Variants in ANKRD40 observed in about 807,000 individuals in gnomAD.
ANKRD40 encodes the protein ankyrin repeat domain 40.
In ANKRD40, 24 loss-of-function variants were observed where a neutral mutation model predicts 35.5. That is an observed-to-expected ratio of 0.68 (90% CI 0.49 to 0.95). The LOEUF (loss-of-function observed/expected upper bound fraction) is 0.95. Ranked by LOEUF, ANKRD40 falls within the 40% of genes least tolerant of loss-of-function variation. ANKRD40 has a pLI of 0.00. For synonymous variants in ANKRD40, 147 were observed against 173.5 expected, an observed-to-expected ratio of 0.85 and a Z score of 1.20; for missense variants, 361 against 436.0, an observed-to-expected ratio of 0.83 and a Z score of 1.53.
Position 50,699,521 on chromosome 17 carries a change from AG to A in ANKRD40, c.655del (p.Leu219CysfsTer47). 6.2e-7 allele frequency: 1 copy of A among 1,614,238 alleles called. No individual in the cohort carries two copies. The highest frequency in any genetic ancestry group is 8.5e-7 in the Non-Finnish European group (1 of 1,180,036). ...CQPPVSQSRS[L>X]FSSVPSKPPM... ...TGGCTTGGACGGGACAGAAGAAAAC[AG>A]GGAGCGGCTCTGACTCACTGGTGGC... On this transcript the variant is annotated frameshift_variant, in exon 3 of 5. Transcript: ENST00000285243. LOFTEE classifies it high-confidence loss of function.
chr17:50,701,535 T>G (rs1375903543), intron 1 of ANKRD40, among the ~76,000 whole-genome samples: 1 of 152,220 alleles, frequency 6.6e-6, no homozygotes, highest in Non-Finnish European at 1.5e-5. Context: ...ATTTTAATAC[T>G]GTACAGAAAC....
rs1164143797 is a variant in ANKRD40, at chr17:50,693,571, G to C, written c.*2426C>G. 6.6e-6 allele frequency: 1 copy of C among 152,236 alleles called. No homozygotes were observed. Among genetic ancestry groups the C allele is most frequent in the Admixed American group, 6.5e-5 (1 of 15,288 alleles). The allele number at this position is 152,236 out of a possible 1,614,324, so 9.4% of individuals were successfully genotyped here. ...CTCTCACCAGAGACACCAGTCCCTT[G>C]CTTGCCTCTGTCGCTAAGCCCAGAA... On this transcript the variant is annotated 3_prime_UTR_variant, in exon 5 of 5. Coordinates refer to ENST00000285243, the MANE Select transcript of ANKRD40 (RefSeq NM_052855.4).
chr17:50,697,233 T>G, intron 3 of ANKRD40, 112 bp from the exon 4 acceptor site: 1 of 1,047,236 alleles, frequency 9.5e-7, no homozygotes, highest in Non-Finnish European at 1.3e-6. Flanking sequence ...GGTCTGTGCA[T>G]GATTAACAGA....
Position 50,697,021 on chromosome 17 carries a change from G to T in ANKRD40, c.879C>A (p.Leu293=). Residue 293 remains leucine (L), a synonymous_variant, in exon 4 of 5, where the codon CTC becomes CTA. Transcript: ENST00000285243. ...CACCCAGCTCACAGCAACACACTCT[G>T]AGCAACTCTTGGTAGGTGAGCTCCT... ...DRQELTYQEL[L]RVCCCELGVN... 6.2e-7 allele frequency: 1 copy of T among 1,614,074 alleles called. No homozygotes were observed. Among genetic ancestry groups the T allele is most frequent in the South Asian group, 1.1e-5 (1 of 91,060 alleles).
At chr17:50,706,734 CA>C (rs756189222) in intron 1 of ANKRD40, among the ~76,000 whole-genome samples, 2,442 of 93,624 alleles carry the variant, frequency 0.026, 31 homozygotes, top group Non-Finnish European at 0.035. Context: ...CCAAAAATAC[CA>C]AAAAAAAAAA....
chr17:50,702,710 C>T (rs1359200521), intron 1 of ANKRD40, among the ~76,000 whole-genome samples: 2 of 152,156 alleles, frequency 1.3e-5, no homozygotes, highest in South Asian at 2.1e-4. Context: ...CTGAGAGACT[C>T]TGGGACAAAC....
chr17:50,704,741 C>G (rs955094816), intron 1 of ANKRD40, among the ~76,000 whole-genome samples: 1 of 152,120 alleles, frequency 6.6e-6, no homozygotes, highest in African/African-American at 2.4e-5. Flanking sequence ...GCCTCAGTTT[C>G]TTCATCTGTA....
chr17:50,705,462 T>G (rs1567844803), intron 1 of ANKRD40, among the ~76,000 whole-genome samples: 1 of 151,950 alleles, frequency 6.6e-6, no homozygotes, highest in Non-Finnish European at 1.5e-5. Flanking sequence ...TATCCACTGT[T>G]TCCTGGCCTT....
intron 1 of ANKRD40, chr17:50,701,019 C>CT (rs1239496102): frequency 2.5e-5 from 6 of 243,778 alleles, no homozygotes; most frequent in Non-Finnish European, 4.0e-5. Flanking sequence ...GGAATATACT[C>CT]TATCAGTATC....
At chr17:50,696,615 C>G (rs1164346232) in intron 4 of ANKRD40, 1 of 245,526 alleles carries the variant, frequency 4.1e-6, no homozygotes, top group Admixed American at 5.1e-5. Context: ...AAACTTCTCT[C>G]TGGTATCAAC....
At chr17:50,706,113 A>C (rs1188676318) in intron 1 of ANKRD40, among the ~76,000 whole-genome samples, 3 of 150,136 alleles carry the variant, frequency 2.0e-5, no homozygotes, top group Admixed American at 2.0e-4. Context: ...AAAAAAACAA[A>C]ATGTAAACTC....
chr17:50,704,515 CAAAAAAAA>C (rs892783050), intron 1 of ANKRD40, among the ~76,000 whole-genome samples: 27 of 40,204 alleles, frequency 6.7e-4, no homozygotes, highest in African/African-American at 2.4e-3. Context: ...AACTCCATCT[CAAAAAAAA>C]AAAAAAAAAA....
chr17:50,706,420 T>C (rs1968339826), intron 1 of ANKRD40, among the ~76,000 whole-genome samples: 1 of 152,138 alleles, frequency 6.6e-6, no homozygotes, highest in South Asian at 2.1e-4. Context: ...CAAAATAGTC[T>C]GGCTAAGCAT....
chr17:50,700,495 G>A (rs1968258756), intron 2 of ANKRD40, 73 bp downstream of exon 2: 4 of 1,271,886 alleles, frequency 3.1e-6, no homozygotes, highest in South Asian at 2.7e-5. Context: ...CCAGCATTAA[G>A]AACGTAGCCA....
chr17:50,696,887 C>T (rs1431388405), intron 4 of ANKRD40, 53 bp downstream of exon 4: 6 of 1,492,542 alleles, frequency 4.0e-6, no homozygotes, highest in East Asian at 2.3e-5. Context: ...AAGGAGGGGG[C>T]TAGGTATTTT....
intron 4 of ANKRD40, 154 bp downstream of exon 4, chr17:50,696,786 A>T (rs1968205428): frequency 2.8e-6 from 2 of 710,548 alleles, no homozygotes; most frequent in African/African-American, 3.7e-5. Flanking sequence ...GTGTCCCTAT[A>T]GACTCAGTAG....
In ANKRD40 at chr17:50,693,376, A is replaced by G. The variant is rs1238430278; in HGVS notation, c.*2621T>C. On this transcript the variant is annotated 3_prime_UTR_variant, in exon 5 of 5. Coordinates refer to ENST00000285243, the MANE Select transcript of ANKRD40 (RefSeq NM_052855.4). ...AAAAAAAAAATCCTTGTTATAAATT[A>G]CACAAAGCATATAAAAATATTTCTC... 6.6e-6 allele frequency: 1 copy of G among 152,262 alleles called. No individual in the cohort carries two copies. The highest frequency in any genetic ancestry group is 6.5e-5 in the Admixed American group (1 of 15,290). The allele number at this position is 152,262 out of a possible 1,614,324, so 9.4% of individuals were successfully genotyped here.
chr17:50,700,474 C>T (rs1968258691), intron 2 of ANKRD40, 94 bp downstream of exon 2: 2 of 1,207,424 alleles, frequency 1.7e-6, no homozygotes, highest in Admixed American at 2.3e-5. Flanking sequence ...AGAAATAGAG[C>T]AGTTGTTTGA....
rs1968357789 is a variant in ANKRD40, at chr17:50,707,656, T to G, written c.-2A>C. The G allele has an allele frequency of 3.2e-6, 5 of 1,546,740 alleles. No individual in the cohort carries two copies. Among genetic ancestry groups the G allele is most frequent in the African/African-American group, 1.4e-5 (1 of 70,498 alleles). On this transcript the variant is annotated 5_prime_UTR_variant, in exon 1 of 5. Coordinates refer to ENST00000285243, the MANE Select transcript of ANKRD40 (RefSeq NM_052855.4). The surrounding 1 kb of genome is among the most constrained non-coding windows in gnomAD (Gnocchi z 4.8). Reference sequence around the variant, plus strand: ...CTTCTGCTCTAGGAGGGCGTTCATCTTCCCACAGCCCCAGGCCCCCGCCCA... The same window carrying G: ...CTTCTGCTCTAGGAGGGCGTTCATCGTCCCACAGCCCCAGGCCCCCGCCCA...
Sources: gnomAD v4.1 joint callset for allele counts (sites outside exome capture counted in the v4.1 genomes callset) on GRCh38, gnomAD v4.1.1 for gene constraint, Gnocchi (gnomAD v3.1) non-coding constraint, MANE v1.5 for transcripts, NCBI Gene and HGNC (gene_info 2026-07-23, HGNC 2026-07-21) for gene names.